The following CPXM2 variants were observed in gnomAD, a reference collection of about 807,000 sequenced individuals.
CPXM2 encodes inactive carboxypeptidase-like protein X2.
A neutral mutation model predicts 86.1 loss-of-function variants in CPXM2; 66 were observed. The ratio of observed to expected loss-of-function variants is 0.77; its 90% CI spans 0.63 to 0.94. The LOEUF (loss-of-function observed/expected upper bound fraction) is 0.94, where lower values mean the gene tolerates loss of function less well. Ranked by LOEUF, CPXM2 falls within the 40% of genes least tolerant of loss-of-function variation. CPXM2 has a pLI of 0.00. For missense variants in CPXM2, 948 were observed against 1,026.3 expected, an observed-to-expected ratio of 0.92 and a Z score of 1.04; for synonymous variants, 388 against 400.2, an observed-to-expected ratio of 0.97 and a Z score of 0.36.
chr10:123,783,491 G>A (rs1034219248), intron 6 of CPXM2, among the ~76,000 whole-genome samples: 6 of 152,188 alleles, frequency 3.9e-5, no homozygotes, highest in Non-Finnish European at 5.9e-5. Context: ...AAGCCAGGCC[G>A]ATCAGATGAC....
chr10:123,759,003 T>G (rs910362434), intron 11 of CPXM2, among the ~76,000 whole-genome samples: 34 of 152,118 alleles, frequency 2.2e-4, no homozygotes, highest in African/African-American at 8.2e-4. Flanking sequence ...ATACAGCCAC[T>G]CTCTACCCAA....
At chr10:123,933,228 C>T (rs1428967357) in intron 2 of CPXM2, among the ~76,000 whole-genome samples, 2 of 152,182 alleles carry the variant, frequency 1.3e-5, no homozygotes, top group Admixed American at 1.3e-4. Flanking sequence ...CAGCAAGAGC[C>T]AGCATCATTC....
At chr10:123,750,571 G>T (rs1326302444) in intron 13 of CPXM2, 1 of 975,812 alleles carries the variant, frequency 1.0e-6, no homozygotes. Flanking sequence ...ATCATAGTGT[G>T]TAGTAAACTT....
At chr10:123,899,817 C>A (rs536905123) in intron 2 of CPXM2, among the ~76,000 whole-genome samples, 4 of 152,164 alleles carry the variant, frequency 2.6e-5, no homozygotes, top group Non-Finnish European at 5.9e-5. Context: ...AAAGTGAAAC[C>A]ATAACAATAA....
intron 6 of CPXM2, among the ~76,000 whole-genome samples, chr10:123,790,394 GAGCA>G (rs1847179714): frequency 6.6e-6 from 1 of 152,074 alleles, no homozygotes; most frequent in Non-Finnish European, 1.5e-5. Context: ...ACTGAAGACG[GAGCA>G]GGTGACCAGG....
At position 123,903,247 on chromosome 10, in the gene CPXM2, G is replaced by C. The variant is rs142504295; in HGVS notation, n.175-22938C>G. On this transcript the variant is annotated intron_variant and non_coding_transcript_variant, in intron 2 of 19. Coordinates refer to the CPXM2 transcript ENST00000368854. ...GGGCCTAGGCCACAGAGGGATCCCT[G>C]CTACCCAATTACCTCCTCCAGGGCT... 4.3e-4 allele frequency among the ~76,000 whole-genome samples: 66 copies of C among 152,280 alleles called. No individual in the cohort carries two copies. In the East Asian group the frequency reaches 0.012, roughly 29 times the overall value.
chr10:123,897,983 A>G (rs2134258188), intron 2 of CPXM2, among the ~76,000 whole-genome samples: 1 of 152,270 alleles, frequency 6.6e-6, no homozygotes, highest in Middle Eastern at 3.4e-3. Context: ...GTTGGTCCAC[A>G]CACTCTATGA....
In CPXM2 at chr10:123,901,347, G is replaced by T. The variant is rs149522827; in HGVS notation, n.175-21038C>A. On this transcript the variant is annotated intron_variant and non_coding_transcript_variant, in intron 2 of 19. Transcript: ENST00000368854. ...GTTGTAAATCACATGCTGAGACCCA[G>T]TGTTTTTCCAGGGCTGAGGCATAAC... Among the ~76,000 whole-genome samples, 417 of 152,180 alleles carry T rather than the reference G, an allele frequency of 2.7e-3. 2 individuals carry two copies. Among genetic ancestry groups the T allele is most frequent in the Non-Finnish European group, 4.3e-3 (290 of 68,016 alleles).
chr10:123,791,212 G>A (rs531644736), intron 6 of CPXM2, among the ~76,000 whole-genome samples: 13 of 152,242 alleles, frequency 8.5e-5, no homozygotes, highest in Non-Finnish European at 1.5e-4. Flanking sequence ...TCGGGGGTTC[G>A]AGACCAGCCT....
intron 2 of CPXM2, among the ~76,000 whole-genome samples, chr10:123,932,357 A>G (rs1348623739): frequency 6.6e-6 from 1 of 152,120 alleles, no homozygotes; most frequent in African/African-American, 2.4e-5. Flanking sequence ...AGAGCACCTC[A>G]CTCCAGACTT....
chr10:123,924,680 C>T (rs1945608626), intron 2 of CPXM2, among the ~76,000 whole-genome samples: 1 of 152,134 alleles, frequency 6.6e-6, no homozygotes, highest in South Asian at 2.1e-4. Flanking sequence ...TTTCTCCTCC[C>T]CAGAGGATGC....
chr10:123,774,795 A>G (rs1846741523), intron 7 of CPXM2, among the ~76,000 whole-genome samples: 1 of 152,218 alleles, frequency 6.6e-6, no homozygotes, highest in Non-Finnish European at 1.5e-5. Flanking sequence ...ATAAACGGAG[A>G]AGCAACATGC....
upstream of CPXM2, among the ~76,000 whole-genome samples, chr10:123,895,006 T>A (rs1277700019): frequency 6.6e-6 from 1 of 151,766 alleles, no homozygotes; most frequent in African/African-American, 2.4e-5. Context: ...CAATCCCAAG[T>A]AAACCTAACC....
At chr10:123,899,515 G>C (rs1299618827) in intron 2 of CPXM2, among the ~76,000 whole-genome samples, 48 of 152,228 alleles carry the variant, frequency 3.2e-4, no homozygotes, top group Non-Finnish European at 1.5e-5. Context: ...TGGGCAACTT[G>C]GGATCAAAGA....
intron 3 of CPXM2, among the ~76,000 whole-genome samples, chr10:123,852,284 T>C (rs1848618118): frequency 6.6e-6 from 1 of 152,154 alleles, no homozygotes; most frequent in South Asian, 2.1e-4. Flanking sequence ...GATTACTAGA[T>C]TATCAGAGTT....
At chr10:123,795,675 TCTGAGCAA>T (rs1339172443) in intron 6 of CPXM2, among the ~76,000 whole-genome samples, 2 of 151,834 alleles carry the variant, frequency 1.3e-5, no homozygotes, top group Non-Finnish European at 2.9e-5. Context: ...GCCGCTCCCC[TCTGAGCAA>T]ACTGCTAAGT....
At chr10:123,798,214 T>TC in intron 5 of CPXM2, 88 bp from the exon 6 acceptor site, 1 of 1,196,384 alleles carries the variant, frequency 8.4e-7, no homozygotes, top group Non-Finnish European at 1.1e-6. Flanking sequence ...TCAACAAGAC[T>TC]TTATTGAGGA....
At chr10:123,868,209 G>C (rs1478841644) in intron 2 of CPXM2, among the ~76,000 whole-genome samples, 1 of 152,142 alleles carries the variant, frequency 6.6e-6, no homozygotes, top group Non-Finnish European at 1.5e-5. Context: ...CACTCCCTTA[G>C]GCCAGCGCCC....
chr10:123,890,815 G>C (rs1171871874), intron 1 of CPXM2, among the ~76,000 whole-genome samples: 1 of 152,180 alleles, frequency 6.6e-6, no homozygotes, highest in Non-Finnish European at 1.5e-5. Flanking sequence ...CCCCAGTGGA[G>C]GCTGTGCCAT....
Sources: gnomAD v4.1 joint callset for allele counts (sites outside exome capture counted in the v4.1 genomes callset) on GRCh38, gnomAD v4.1.1 for gene constraint, MANE v1.5 for transcripts, NCBI Gene and HGNC (gene_info 2026-07-23, HGNC 2026-07-21) for gene names.